The following CMIP variants were observed in gnomAD, a reference collection of about 807,000 sequenced individuals.
CMIP encodes C-Maf-inducing protein.
In CMIP, 13 loss-of-function variants were observed where a neutral mutation model predicts 97.3. The ratio of observed to expected loss-of-function variants is 0.13; its 90% CI spans 0.09 to 0.21. The LOEUF is 0.21. Ranked by LOEUF, CMIP falls within the 10% of genes least tolerant of loss-of-function variation. CMIP has a pLI of 1.00. For synonymous variants in CMIP, 538 were observed against 436.3 expected, an observed-to-expected ratio of 1.23 and a Z score of -2.91; for missense variants, 847 against 1,024.9, an observed-to-expected ratio of 0.83 and a Z score of 2.37.
chr16:81,529,815 C>T (rs1297681325), intron 1 of CMIP, among the ~76,000 whole-genome samples: 1 of 152,230 alleles, frequency 6.6e-6, no homozygotes, highest in East Asian at 1.9e-4. Context: ...GATACTCCTT[C>T]TCCTCTGGAG....
At chr16:81,466,731 T>C (rs1052605570) in intron 1 of CMIP, among the ~76,000 whole-genome samples, 41 of 152,282 alleles carry the variant, frequency 2.7e-4, no homozygotes, top group Non-Finnish European at 1.3e-4. Context: ...GCATTGACCA[T>C]GGGGGGCTTA....
At chr16:81,519,211 A>G (rs903088138) in intron 1 of CMIP, 1 of 152,198 alleles carries the variant, frequency 6.6e-6, no homozygotes, top group African/African-American at 2.4e-5. Context: ...AGGTGGGAGG[A>G]TCACTTGAGA....
chr16:81,558,638 G>A (rs918664477), intron 1 of CMIP, among the ~76,000 whole-genome samples: 13 of 152,330 alleles, frequency 8.5e-5, no homozygotes, highest in Non-Finnish European at 1.3e-4. Context: ...GACAGGAGGC[G>A]TGGGGAGGAG....
intron 1 of CMIP, among the ~76,000 whole-genome samples, chr16:81,494,112 C>G (rs940873102): frequency 6.6e-6 from 1 of 152,206 alleles, no homozygotes; most frequent in African/African-American, 2.4e-5. Context: ...GAAGAATGTT[C>G]CAGAAGCTTC....
chr16:81,596,999 T>C (rs1399535526), intron 1 of CMIP, among the ~76,000 whole-genome samples: 3 of 152,248 alleles, frequency 2.0e-5, no homozygotes, highest in Admixed American at 6.5e-5. Context: ...CCATACATTC[T>C]CATCATTTAG....
intron 7 of CMIP, among the ~76,000 whole-genome samples, chr16:81,669,824 TC>T (rs1014298545): frequency 6.6e-6 from 1 of 152,164 alleles, no homozygotes; most frequent in Non-Finnish European, 1.5e-5. Flanking sequence ...CCCTCTCTTG[TC>T]CCCCCAGCCT....
intron 1 of CMIP, among the ~76,000 whole-genome samples, chr16:81,598,681 G>T (rs1261340794): frequency 1.3e-5 from 2 of 152,120 alleles, no homozygotes; most frequent in African/African-American, 2.4e-5. Flanking sequence ...GAGCAGTAAC[G>T]TTCGGCTGGG....
chr16:81,657,185 A>G (rs1287223220), intron 4 of CMIP, among the ~76,000 whole-genome samples: 1 of 152,198 alleles, frequency 6.6e-6, no homozygotes, highest in Admixed American at 6.5e-5. Flanking sequence ...ATTTCAGCAA[A>G]TGTAATCCAT....
At chr16:81,679,898 A>G (rs1046001183) in intron 10 of CMIP, among the ~76,000 whole-genome samples, 2 of 152,092 alleles carry the variant, frequency 1.3e-5, no homozygotes, top group Non-Finnish European at 2.9e-5. Flanking sequence ...CCACAGAGCC[A>G]TGTGGTTCCA....
chr16:81,700,415 C>T (rs887605497), intron 15 of CMIP: 1 of 154,806 alleles, frequency 6.5e-6, no homozygotes. Flanking sequence ...AGCAACTGTC[C>T]CAAAGTCCCC....
chr16:81,497,653 G>A (rs2089516118), intron 1 of CMIP, among the ~76,000 whole-genome samples: 1 of 152,238 alleles, frequency 6.6e-6, no homozygotes, highest in Non-Finnish European at 1.5e-5. Flanking sequence ...CTGGGCAGCC[G>A]AGGTCTTGTT....
rs976989873 is a variant in CMIP at position 81,627,431 on chromosome 16, T to C, written c.477+6505T>C. Among the ~76,000 whole-genome samples the C allele has an allele frequency of 1.2e-4, 19 of 152,012 alleles. No homozygotes were observed. Among genetic ancestry groups the C allele is most frequent in the African/African-American group, 4.6e-4 (19 of 41,352 alleles). ...GGAGCCCACGCGTGGGAGCCTCTCA[T>C]GCGCCATCATCAGTGTCTCCAAGTG... is the stretch of plus-strand genomic sequence containing the variant. On this transcript the variant is annotated intron_variant, in intron 3 of 20. Coordinates refer to ENST00000537098, the MANE Select transcript of CMIP (RefSeq NM_198390.3). This position sits in a 1 kb window ranked among gnomAD's most constrained non-coding sequence, Gnocchi z 4.6.
intron 1 of CMIP, among the ~76,000 whole-genome samples, chr16:81,588,651 C>T (rs896927139): frequency 7.9e-5 from 12 of 152,272 alleles, no homozygotes; most frequent in Middle Eastern, 3.4e-3. Flanking sequence ...TTTTCACCTA[C>T]GCTTATCATC....
rs180919848 is a variant in CMIP, at chr16:81,711,542, C to T, written c.*1743C>T. 1 of 147,606 alleles carries T rather than the reference C, an allele frequency of 6.8e-6. No homozygotes were observed. The highest frequency in any genetic ancestry group is 1.5e-5 in the Non-Finnish European group (1 of 67,456). 9.1% of individuals were successfully genotyped at this position (147,606 alleles called of 1,614,324 possible). On this transcript the variant is annotated 3_prime_UTR_variant, in exon 21 of 21. Transcript: ENST00000537098. ...CCCCCTCCGGTCCCATACTTCACAG[C>T]ACTCTGGTGCGGGAAGAAGCAGAAG... is the stretch of plus-strand genomic sequence containing the variant.
At chr16:81,465,714 G>T (rs1415029175) in intron 1 of CMIP, among the ~76,000 whole-genome samples, 1 of 152,222 alleles carries the variant, frequency 6.6e-6, no homozygotes, top group Non-Finnish European at 1.5e-5. Flanking sequence ...CTGTGGTGGT[G>T]ACTGGGCAGA....
intron 3 of CMIP, chr16:81,631,687 G>C (rs968749999): frequency 2.6e-5 from 4 of 152,320 alleles, no homozygotes; most frequent in African/African-American, 4.8e-5. Flanking sequence ...GTGGTGTTCT[G>C]TTGTCTGGTT....
chr16:81,472,848 C>T (rs1178954823), intron 1 of CMIP, among the ~76,000 whole-genome samples: 1 of 152,172 alleles, frequency 6.6e-6, no homozygotes. Context: ...CACATCGTGG[C>T]ATCTGTGGTG....
At chr16:81,643,035 A>G (rs1200166146) in intron 3 of CMIP, among the ~76,000 whole-genome samples, 2 of 152,348 alleles carry the variant, frequency 1.3e-5, no homozygotes, top group East Asian at 3.9e-4. Context: ...ATTGTGTATG[A>G]TTTATATGCA....
At chr16:81,570,463 T>G (rs1307590792) in intron 1 of CMIP, among the ~76,000 whole-genome samples, 1 of 152,122 alleles carries the variant, frequency 6.6e-6, no homozygotes, top group East Asian at 1.9e-4. Flanking sequence ...CTCGGTGTAT[T>G]TTTTTAGTCT....
Sources: allele counts gnomAD v4.1 joint callset (sites outside exome capture counted in the v4.1 genomes callset), GRCh38; gene constraint gnomAD v4.1.1; non-coding constraint Gnocchi (gnomAD v3.1); transcripts MANE v1.5; gene names NCBI Gene and HGNC (gene_info 2026-07-23, HGNC 2026-07-21).